PRRC2C: variants seen among roughly 807,000 people sequenced by gnomAD.
PRRC2C encodes the protein proline rich coiled-coil 2C.
In PRRC2C, 72 loss-of-function variants were observed where a neutral mutation model predicts 317.2. The observed-to-expected ratio is 0.23, with a 90% CI of 0.19 to 0.28. The LOEUF is 0.28. Ranked by LOEUF, PRRC2C falls within the 10% of genes least tolerant of loss-of-function variation. The pLI is 1.00. For synonymous variants in PRRC2C, 1,296 were observed against 1,205.9 expected (o/e 1.07, Z -1.55); for missense variants, 3,074 against 3,459.7 (o/e 0.89, Z 2.80).
Position 171,540,683 on chromosome 1 carries a change from A to G in PRRC2C, c.3217A>G (p.Ile1073Val), listed in dbSNP as rs751980503. 68 of 1,613,930 alleles carry G rather than the reference A, an allele frequency of 4.2e-5. No homozygotes were observed. The highest frequency in any genetic ancestry group is 1.9e-4 in the South Asian group (17 of 91,084). The change falls in exon 16 of 35, where the codon ATT becomes GTT. Residue 1073 changes from isoleucine to valine, a missense_variant. By Grantham distance (29) the Ile-to-Val change is conservative. Coordinates refer to ENST00000647382, the MANE Select transcript of PRRC2C (RefSeq NM_001387844.1). The part of the protein sequence containing the change: ...PPPPPQPPAP[I>V]QPQSVPPPIQ... ...ACCACCACCTCAGCCACCAGCACCAATTCAGCCACAGTCAGTTCCACCACC... is the reference window on the plus strand; with the variant it reads ...ACCACCACCTCAGCCACCAGCACCAGTTCAGCCACAGTCAGTTCCACCACC...
intron 12 of PRRC2C, among the ~76,000 whole-genome samples, chr1:171,535,195 T>C (rs2102447822): frequency 6.6e-6 from 1 of 152,306 alleles, no homozygotes; most frequent in South Asian, 2.1e-4. Flanking sequence ...GATGAAGCAT[T>C]TGGATCTCTG....
At position 171,532,564 on chromosome 1, in the gene PRRC2C, G is replaced by T; in HGVS notation, c.1476G>T (p.Glu492Asp). Residue 492 changes from glutamate to aspartate, a missense_variant, in exon 12 of 35, where the codon GAG (glutamate) becomes GAT (aspartate). By Grantham distance (45) the Glu-to-Asp change is conservative. Around this residue, in one of 11 missense-constraint regions of PRRC2C, gnomAD observed 1,320 missense variants for 1,395.7 expected, o/e 0.95. Coordinates refer to ENST00000647382, the MANE Select transcript of PRRC2C (RefSeq NM_001387844.1). ...CGGAGAAACTGAAACGATTGGATGA[G>T]AAGCTTGGCATCCTGGAAAAACAAC... is the stretch of plus-strand genomic sequence containing the variant. ...ACAEKLKRLD[E>D]KLGILEKQPS... The T allele has an allele frequency of 6.3e-7, 1 of 1,575,964 alleles. No individual in the cohort carries two copies. Among genetic ancestry groups the T allele is most frequent in the Non-Finnish European group, 8.6e-7 (1 of 1,160,760 alleles).
In PRRC2C at chr1:171,584,122, G is replaced by A; in HGVS notation, c.7576G>A (p.Glu2526Lys). Reference protein sequence around the residue: ...SNTQPIPILYEHQLGQASGLG... With the variant: ...SNTQPIPILYKHQLGQASGLG... ...TACTCAGCCCATTCCTATATTGTAT[G>A]AACATCAACTGGGGCAGGCATCAGG... The change falls in exon 29 of 35, where the codon GAA becomes AAA. Residue 2526 changes from glutamate to lysine, a missense_variant. Physicochemically the swap from Glu to Lys is moderately conservative, Grantham distance 56 (BLOSUM62 1). This residue lies in a region of PRRC2C where 490 missense variants were observed against 663.1 expected (regional missense o/e 0.74). Coordinates refer to ENST00000647382, the MANE Select transcript of PRRC2C (RefSeq NM_001387844.1). 3 of 1,613,976 alleles carry A rather than the reference G, an allele frequency of 1.9e-6. No individual in the cohort carries two copies. Among genetic ancestry groups the A allele is most frequent in the Non-Finnish European group, 2.5e-6 (3 of 1,179,876 alleles).
At chr1:171,527,035 T>C (rs1674726078) in intron 10 of PRRC2C, among the ~76,000 whole-genome samples, 1 of 151,952 alleles carries the variant, frequency 6.6e-6, no homozygotes, top group African/African-American at 2.4e-5. Flanking sequence ...CTCTAACTCC[T>C]GACCTTGTGA....
chr1:171,521,591 C>G (rs1673568559), intron 6 of PRRC2C, among the ~76,000 whole-genome samples: 1 of 37,850 alleles, frequency 2.6e-5, no homozygotes, highest in South Asian at 1.4e-3. Flanking sequence ...TTAATTTTAT[C>G]TGAGCTGAGT....
intron 18 of PRRC2C, among the ~76,000 whole-genome samples, chr1:171,556,215 G>A (rs1005952211): frequency 2.6e-5 from 4 of 152,240 alleles, no homozygotes; most frequent in African/African-American, 4.8e-5. Flanking sequence ...CTCTATGGGC[G>A]TGGGACCTGC....
At chr1:171,520,163 A>G (rs1673283795) in intron 6 of PRRC2C, among the ~76,000 whole-genome samples, 2 of 152,100 alleles carry the variant, frequency 1.3e-5, no homozygotes, top group African/African-American at 4.8e-5. Flanking sequence ...GGGTTTCACC[A>G]TGTTGGCTGG....
At chr1:171,586,020 C>G in intron 30 of PRRC2C, among the ~76,000 whole-genome samples, 1 of 148,314 alleles carries the variant, frequency 6.7e-6, no homozygotes, top group Non-Finnish European at 1.5e-5. Context: ...AACAGAAGTT[C>G]TGACCTCACT....
At chr1:171,546,773 T>C (rs1265663893) in intron 17 of PRRC2C, among the ~76,000 whole-genome samples, 2 of 151,830 alleles carry the variant, frequency 1.3e-5, no homozygotes, top group Non-Finnish European at 2.9e-5. Context: ...GCTAATTTAT[T>C]ATTATTATTA....
intron 6 of PRRC2C, among the ~76,000 whole-genome samples, chr1:171,518,885 CTT>C (rs767023404): frequency 1.7e-4 from 22 of 130,746 alleles, no homozygotes; most frequent in Non-Finnish European, 1.3e-4. Flanking sequence ...TTTCCTACCA[CTT>C]TTTTTTTTTT....
chr1:171,523,137 A>G (rs1673922993), intron 7 of PRRC2C, 84 bp from the exon 8 acceptor site: 1 of 1,286,082 alleles, frequency 7.8e-7, no homozygotes. Context: ...TAATGTTGAA[A>G]TGAACTAAAT....
intron 19 of PRRC2C, among the ~76,000 whole-genome samples, chr1:171,560,326 A>T (rs1321162497): frequency 6.6e-6 from 1 of 152,238 alleles, no homozygotes; most frequent in East Asian, 1.9e-4. Context: ...CCTGGTGAAG[A>T]TGCTGTGGAC....
At chr1:171,516,847 T>C (rs1336130826) in intron 5 of PRRC2C, among the ~76,000 whole-genome samples, 3 of 152,182 alleles carry the variant, frequency 2.0e-5, no homozygotes, top group Non-Finnish European at 2.9e-5. Flanking sequence ...GCTTATGACA[T>C]GGCTTCTGCA....
chr1:171,514,979 T>C (rs1022987954), intron 4 of PRRC2C, among the ~76,000 whole-genome samples: 2 of 152,242 alleles, frequency 1.3e-5, no homozygotes, highest in African/African-American at 4.8e-5. Flanking sequence ...ATACTCATTT[T>C]TCATCTATGT....
Position 171,561,053 on chromosome 1 carries a change from A to G in PRRC2C, c.6067A>G (p.Ser2023Gly), listed in dbSNP as rs1310238550. 6.8e-6 allele frequency: 11 copies of G among 1,608,492 alleles called. No homozygotes were observed. The highest frequency in any genetic ancestry group is 9.4e-6 in the Non-Finnish European group (11 of 1,174,966). The change falls in exon 20 of 35, where the codon AGT becomes GGT. Residue 2023 changes from serine to glycine, a missense_variant. By Grantham distance (56) the Ser-to-Gly change is moderately conservative (BLOSUM62 0). Transcript: ENST00000647382. The part of the protein sequence containing the change: ...PISPPQPPSV[S>G]AWNKPLTSFG... ...TAGTCCACCACAGCCACCTTCAGTC[A>G]GTGCATGGAATAAGCCCTTAACATC...
At chr1:171,501,000 G>A (rs1669013588) in intron 1 of PRRC2C, among the ~76,000 whole-genome samples, 1 of 152,200 alleles carries the variant, frequency 6.6e-6, no homozygotes, top group African/African-American at 2.4e-5. Flanking sequence ...CTGTGCTCCA[G>A]CAGTCCTCCC....
At chr1:171,494,754 T>G (rs889459494) in intron 1 of PRRC2C, among the ~76,000 whole-genome samples, 14 of 152,162 alleles carry the variant, frequency 9.2e-5, no homozygotes, top group African/African-American at 2.9e-4. Context: ...TTTGGCCTCC[T>G]CTTCACTGCT....
At chr1:171,497,535 A>C (rs907001726) in intron 1 of PRRC2C, among the ~76,000 whole-genome samples, 3 of 152,124 alleles carry the variant, frequency 2.0e-5, no homozygotes, top group Non-Finnish European at 4.4e-5. Flanking sequence ...ACAGTGGCAC[A>C]GTCATGGCTC....
chr1:171,557,346 C>T lies in PRRC2C; in HGVS notation c.5234C>T (p.Ser1745Leu). ...QATGIQQAQSSASVPPLASAP... is the reference protein window; with the variant it reads ...QATGIQQAQSLASVPPLASAP... ...ACAGGGATCCAGCAAGCACAGTCTT[C>T]AGCCTCAGTTCCACCTCTAGCTTCG... is the stretch of plus-strand genomic sequence containing the variant. Residue 1745 changes from serine to leucine, a missense_variant, in exon 19 of 35, where the codon TCA becomes TTA. Ser to Leu is a moderately radical substitution (Grantham distance 145, BLOSUM62 -2). Transcript: ENST00000647382. The T allele has an allele frequency of 1.9e-6, 3 of 1,551,976 alleles. No homozygotes were observed. The highest frequency in any genetic ancestry group is 2.6e-6 in the Non-Finnish European group (3 of 1,147,036).
Sources: allele counts gnomAD v4.1 joint callset (sites outside exome capture counted in the v4.1 genomes callset), GRCh38; gene constraint gnomAD v4.1.1; regional missense constraint gnomAD v4.1.1; transcripts MANE v1.5; gene names NCBI Gene and HGNC (gene_info 2026-07-23, HGNC 2026-07-21).